NIM1K: variants seen among roughly 807,000 people sequenced by gnomAD.
NIM1K encodes the protein serine/threonine-protein kinase NIM1.
NIM1K carries 35 observed loss-of-function variants against 37.1 expected under a neutral mutation model. That is an observed-to-expected ratio of 0.94 (90% CI 0.72 to 1.25). The LOEUF is 1.25. Ranked by LOEUF, NIM1K falls within the 50% of genes most tolerant of loss-of-function variation. The pLI, the probability that NIM1K is intolerant of heterozygous loss-of-function variation, is 0.00. For missense variants in NIM1K, 564 were observed against 548.0 expected (o/e 1.03, Z -0.29); for synonymous variants, 234 against 206.6 (o/e 1.13, Z -1.14).
Position 43,280,378 on chromosome 5 carries a change from G to T in NIM1K, c.960G>T (p.Met320Ile). The part of the protein sequence containing the change: ...PTERYGIDCI[M>I]NDEWMQGVPY... ...AGAGGTACGGAATCGACTGCATCAT[G>T]AATGATGAATGGATGCAAGGGGTGC... Residue 320 changes from methionine to isoleucine, a missense_variant, in exon 4 of 4, where the codon ATG (methionine) becomes ATT (isoleucine). Physicochemically the swap from Met to Ile is conservative, Grantham distance 10 (BLOSUM62 1). Coordinates refer to ENST00000326035, the MANE Select transcript of NIM1K (RefSeq NM_153361.4). 6.2e-7 allele frequency: 1 copy of T among 1,614,122 alleles called. No individual in the cohort carries two copies. Among genetic ancestry groups the T allele is most frequent in the Non-Finnish European group, 8.5e-7 (1 of 1,179,982 alleles).
intron 1 of NIM1K, among the ~76,000 whole-genome samples, chr5:43,220,887 G>T (rs1209003372): frequency 1.3e-5 from 2 of 152,102 alleles, no homozygotes; most frequent in African/African-American, 4.8e-5. Context: ...AGCATAGGGG[G>T]GACATGAGAG....
intron 1 of NIM1K, chr5:43,207,166 A>T (rs1752128374): frequency 1.8e-5 from 13 of 736,540 alleles, no homozygotes; most frequent in Non-Finnish European, 3.3e-5. Flanking sequence ...AGCAGTTTGG[A>T]AATATTCTCA....
At chr5:43,249,047 TA>T (rs1324408840) in intron 2 of NIM1K, among the ~76,000 whole-genome samples, 44 of 103,814 alleles carry the variant, frequency 4.2e-4, no homozygotes, top group Middle Eastern at 0.015. Context: ...AGTTTATTTT[TA>T]TTTATTTATT....
chr5:43,219,484 T>A (rs1752351726), intron 1 of NIM1K, among the ~76,000 whole-genome samples: 1 of 152,058 alleles, frequency 6.6e-6, no homozygotes, highest in Non-Finnish European at 1.5e-5. Flanking sequence ...CAAGTGATCC[T>A]CCCACCTCAG....
chr5:43,279,870 C>A (rs1409112445), intron 3 of NIM1K, 110 bp from the exon 4 acceptor site: 10 of 902,022 alleles, frequency 1.1e-5, no homozygotes, highest in African/African-American at 1.7e-5. Context: ...GTGATCCTCA[C>A]TGAATTTGTT....
At chr5:43,263,804 G>T (rs1041256603) in intron 2 of NIM1K, among the ~76,000 whole-genome samples, 1 of 152,196 alleles carries the variant, frequency 6.6e-6, no homozygotes, top group Non-Finnish European at 1.5e-5. Context: ...GTATCCCAGA[G>T]ATTCTGGTAC....
Position 43,211,811 on chromosome 5 carries a change from A to G in NIM1K, c.-695+19400A>G, listed in dbSNP as rs144628992. ...ACTGTGGTAAAATCTACATTTTGGAATAATCACACAAGTGGTTTGCTGGAG... is the reference window on the plus strand; with the variant it reads ...ACTGTGGTAAAATCTACATTTTGGAGTAATCACACAAGTGGTTTGCTGGAG... On this transcript the variant is annotated intron_variant, in intron 1 of 3. Coordinates refer to ENST00000326035, the MANE Select transcript of NIM1K (RefSeq NM_153361.4). Among the ~76,000 whole-genome samples the G allele has an allele frequency of 2.7e-3, 412 of 151,816 alleles. 1 individual carries two copies. The highest frequency in any genetic ancestry group is 9.2e-3 in the African/African-American group (383 of 41,504).
chr5:43,236,472 T>A (rs1458259625), intron 1 of NIM1K, among the ~76,000 whole-genome samples: 1 of 151,914 alleles, frequency 6.6e-6, no homozygotes, highest in Non-Finnish European at 1.5e-5. Context: ...AACTAAAAAA[T>A]AAAAAATTGA....
At chr5:43,235,726 T>G (rs1752611344) in intron 1 of NIM1K, among the ~76,000 whole-genome samples, 1 of 152,238 alleles carries the variant, frequency 6.6e-6, no homozygotes, top group Non-Finnish European at 1.5e-5. Context: ...CATTTGTTTG[T>G]GCGTGTGGTT....
Position 43,245,795 on chromosome 5 carries a change from A to G in NIM1K, c.20A>G (p.Asn7Ser), listed in dbSNP as rs746851659. Residue 7 changes from asparagine (N) to serine (S), a missense_variant, in exon 2 of 4, where the codon AAT becomes AGT. Physicochemically the swap from Asn to Ser is conservative, Grantham distance 46. Coordinates refer to ENST00000326035, the MANE Select transcript of NIM1K (RefSeq NM_153361.4). Reference sequence around the variant, plus strand: ...TGGACGATGACTGCAGTGTATATGAATGGAGGTGGCCTGGTGAACCCCCAC... The same window carrying G: ...TGGACGATGACTGCAGTGTATATGAGTGGAGGTGGCCTGGTGAACCCCCAC... MTAVYM[N>S]GGGLVNPHYA... The G allele has an allele frequency of 4.4e-6, 7 of 1,607,768 alleles. No individual in the cohort carries two copies. The Admixed American group carries it at 1.2e-4, about 27-fold the overall frequency.
intron 2 of NIM1K, among the ~76,000 whole-genome samples, chr5:43,260,677 T>C (rs554593500): frequency 3.7e-4 from 57 of 152,282 alleles, no homozygotes; most frequent in African/African-American, 1.3e-3. Flanking sequence ...TTGTTACATA[T>C]GTATACATGT....
intron 2 of NIM1K, among the ~76,000 whole-genome samples, chr5:43,276,775 A>T (rs1374239609): frequency 6.6e-6 from 1 of 152,212 alleles, no homozygotes; most frequent in Non-Finnish European, 1.5e-5. Flanking sequence ...TCTCATCAAG[A>T]AGTTCTCTCC....
chr5:43,264,849 A>G (rs1753097950), intron 2 of NIM1K, among the ~76,000 whole-genome samples: 1 of 152,132 alleles, frequency 6.6e-6, no homozygotes, highest in Non-Finnish European at 1.5e-5. Context: ...TTTTGTCTGT[A>G]AAGGATTTTA....
intron 1 of NIM1K, among the ~76,000 whole-genome samples, chr5:43,196,849 T>C (rs1276372509): frequency 1.3e-5 from 2 of 151,634 alleles, no homozygotes; most frequent in African/African-American, 2.4e-5. Context: ...CATGGCTCAC[T>C]GCAGCCTTAA....
chr5:43,270,704 G>T lies in NIM1K; in HGVS notation c.293-6353G>T, dbSNP rs965057462. 2.0e-5 allele frequency among the ~76,000 whole-genome samples: 3 copies of T among 152,326 alleles called. No homozygotes were observed. The East Asian group carries it at 5.8e-4, about 29-fold the overall frequency. ...GTGAGACAAGCCATTATGTCCAACA[G>T]CATGGGTGCAGGCAGAGAGTAGTGG... is the stretch of plus-strand genomic sequence containing the variant. On this transcript the variant is annotated intron_variant, in intron 2 of 3. Transcript: ENST00000326035.
intron 1 of NIM1K, among the ~76,000 whole-genome samples, chr5:43,204,169 C>T (rs1235831906): frequency 2.9e-5 from 4 of 137,458 alleles, no homozygotes; most frequent in Non-Finnish European, 6.1e-5. Context: ...ACTGCAACCT[C>T]CGCTTCCTGG....
At chr5:43,243,506 A>G (rs943631544) in intron 1 of NIM1K, among the ~76,000 whole-genome samples, 2 of 151,112 alleles carry the variant, frequency 1.3e-5, no homozygotes, top group Admixed American at 6.6e-5. Flanking sequence ...ATCTCAAAGG[A>G]GTCTGTGAGC....
At position 43,217,862 on chromosome 5, in the gene NIM1K, C is replaced by A. The variant is rs190572753; in HGVS notation, c.-695+25451C>A. Among the ~76,000 whole-genome samples, 1,025 of 152,022 alleles carry A rather than the reference C, an allele frequency of 6.7e-3. 6 individuals carry two copies. The highest frequency in any genetic ancestry group is 0.034 in the Middle Eastern group (10 of 294). On this transcript the variant is annotated intron_variant, in intron 1 of 3. Coordinates refer to ENST00000326035, the MANE Select transcript of NIM1K (RefSeq NM_153361.4). ...GAGTACCTGGGATTACAGGTGTGTG[C>A]CACCATGACTGGCTAATTTTTGTAT... is the stretch of plus-strand genomic sequence containing the variant.
chr5:43,227,496 C>G (rs746425380), intron 1 of NIM1K, among the ~76,000 whole-genome samples: 10 of 152,196 alleles, frequency 6.6e-5, no homozygotes, highest in Non-Finnish European at 1.3e-4. Context: ...CTGTGTAAAA[C>G]TCTCTTGAAT....
Sources: gnomAD v4.1 joint callset for allele counts (sites outside exome capture counted in the v4.1 genomes callset) on GRCh38, gnomAD v4.1.1 for gene constraint, MANE v1.5 for transcripts, NCBI Gene and HGNC (gene_info 2026-07-23, HGNC 2026-07-21) for gene names.